SNTB1: variants seen among roughly 807,000 people sequenced by gnomAD.
The protein encoded by SNTB1 is beta-1-syntrophin.
In SNTB1, 36 loss-of-function variants were observed where a neutral mutation model predicts 48.9. The ratio of observed to expected loss-of-function variants is 0.74; its 90% CI spans 0.56 to 0.97. The LOEUF (loss-of-function observed/expected upper bound fraction) is 0.97. SNTB1 is among the 50% of genes least tolerant of loss of function. SNTB1 has a pLI of 0.00. For missense variants in SNTB1, 786 were observed against 703.4 expected, an observed-to-expected ratio of 1.12 and a Z score of -1.33; for synonymous variants, 299 against 294.6, an observed-to-expected ratio of 1.01 and a Z score of -0.15.
intron 1 of SNTB1, among the ~76,000 whole-genome samples, chr8:120,701,457 C>T (rs564769778): frequency 6.6e-6 from 1 of 152,080 alleles, no homozygotes; most frequent in Admixed American, 6.5e-5. Context: ...CCTTTTCTGA[C>T]AACATTAAAA....
chr8:120,674,077 A>C (rs1254533146), intron 2 of SNTB1, among the ~76,000 whole-genome samples: 2 of 152,090 alleles, frequency 1.3e-5, no homozygotes, highest in African/African-American at 4.8e-5. Flanking sequence ...TGTAAAGGAG[A>C]GTTTTTTTCA....
At chr8:120,799,570 T>C (rs1396372642) in intron 1 of SNTB1, among the ~76,000 whole-genome samples, 2 of 151,748 alleles carry the variant, frequency 1.3e-5, no homozygotes, top group African/African-American at 4.8e-5. Flanking sequence ...AAAAATCTAG[T>C]TCTCCAGAAT....
intron 3 of SNTB1, among the ~76,000 whole-genome samples, chr8:120,604,280 T>C (rs1447504216): frequency 6.6e-6 from 1 of 152,184 alleles, no homozygotes; most frequent in African/African-American, 2.4e-5. Context: ...GAATGTCCTC[T>C]GCTTTCTCAT....
chr8:120,678,304 C>T (rs1038993862), intron 2 of SNTB1, among the ~76,000 whole-genome samples: 2 of 152,126 alleles, frequency 1.3e-5, no homozygotes, highest in Non-Finnish European at 2.9e-5. Flanking sequence ...ACCAGCTTGG[C>T]ATTGTGACAA....
chr8:120,630,977 A>T (rs1173747845), intron 3 of SNTB1, among the ~76,000 whole-genome samples: 2 of 152,164 alleles, frequency 1.3e-5, no homozygotes, highest in Non-Finnish European at 2.9e-5. Context: ...GGAGACTTAG[A>T]CCTAATACAT....
chr8:120,728,777 C>T lies in SNTB1; in HGVS notation c.572-34869G>A, dbSNP rs189821357. Among the ~76,000 whole-genome samples the T allele has an allele frequency of 8.3e-4, 126 of 152,208 alleles. 3 individuals are homozygous for T. The East Asian group carries it at 0.022, about 26-fold the overall frequency. On this transcript the variant is annotated intron_variant, in intron 1 of 6. Coordinates refer to ENST00000517992, the MANE Select transcript of SNTB1 (RefSeq NM_021021.4). ...TAGGTTGATTCCATGTCTTAGTTAT[C>T]GTGAATAATGCTGCAATGAACATAT...
chr8:120,548,594 A>T (rs1815422581), intron 5 of SNTB1, among the ~76,000 whole-genome samples, 168 bp downstream of exon 5: 1 of 152,202 alleles, frequency 6.6e-6, no homozygotes, highest in Non-Finnish European at 1.5e-5. Context: ...GCCTTAGGTT[A>T]CATTTTAGTA....
intron 5 of SNTB1, among the ~76,000 whole-genome samples, chr8:120,544,805 T>TTTTTTTTC: frequency 6.6e-6 from 1 of 151,324 alleles, no homozygotes; most frequent in South Asian, 2.1e-4. Context: ...TTTTTTTTTT[T>TTTTTTTTC]TTTTTTGCCA....
chr8:120,736,002 G>A (rs547356619), intron 1 of SNTB1, among the ~76,000 whole-genome samples: 3 of 152,236 alleles, frequency 2.0e-5, no homozygotes, highest in Admixed American at 1.3e-4. Context: ...AAGGAAAGAG[G>A]TTTAATTGAC....
At chr8:120,681,992 C>T (rs1171199269) in intron 2 of SNTB1, among the ~76,000 whole-genome samples, 1 of 151,510 alleles carries the variant, frequency 6.6e-6, no homozygotes, top group African/African-American at 2.4e-5. Context: ...GAAAATATGA[C>T]ATCCAAAAAA....
chr8:120,556,983 G>A (rs142971246), intron 4 of SNTB1, among the ~76,000 whole-genome samples: 78 of 152,244 alleles, frequency 5.1e-4, no homozygotes, highest in Admixed American at 1.6e-3. Context: ...CAATACTTGA[G>A]TTCTAAGTTA....
intron 4 of SNTB1, among the ~76,000 whole-genome samples, chr8:120,558,903 C>T (rs1815610038): frequency 1.3e-5 from 2 of 152,138 alleles, no homozygotes; most frequent in Admixed American, 6.5e-5. Flanking sequence ...TGATTATTCC[C>T]TGCTGTATTC....
intron 3 of SNTB1, among the ~76,000 whole-genome samples, chr8:120,587,039 G>A (rs1204123137): frequency 1.3e-5 from 2 of 152,116 alleles, no homozygotes; most frequent in Non-Finnish European, 2.9e-5. Flanking sequence ...TGGCCAACAT[G>A]GTGAAACCCT....
intron 2 of SNTB1, among the ~76,000 whole-genome samples, chr8:120,687,063 G>A (rs1402547219): frequency 6.6e-6 from 1 of 152,142 alleles, no homozygotes; most frequent in Non-Finnish European, 1.5e-5. Context: ...TGCACTAAAG[G>A]AGGAAATGTT....
chr8:120,544,138 T>C (rs1031840588), intron 5 of SNTB1, among the ~76,000 whole-genome samples: 1 of 152,164 alleles, frequency 6.6e-6, no homozygotes, highest in Non-Finnish European at 1.5e-5. Context: ...TGTGGGTGAA[T>C]GGGCTGTAAA....
At chr8:120,693,616 A>T in intron 2 of SNTB1, 76 bp downstream of exon 2, 2 of 1,240,272 alleles carry the variant, frequency 1.6e-6, no homozygotes, top group South Asian at 2.5e-5. Context: ...CATGAGGGCA[A>T]TCTCGTGAAA....
chr8:120,549,041 G>C, intron 4 of SNTB1, 83 bp from the exon 5 acceptor site: 1 of 1,124,424 alleles, frequency 8.9e-7, no homozygotes, highest in Non-Finnish European at 1.3e-6. Context: ...GACCCAAATT[G>C]GTGATCTGCT....
chr8:120,770,813 CA>C (rs986820898), intron 1 of SNTB1, among the ~76,000 whole-genome samples: 16 of 151,396 alleles, frequency 1.1e-4, no homozygotes, highest in African/African-American at 2.4e-4. Flanking sequence ...AACTCTGTCT[CA>C]AAAAAAAATT....
intron 1 of SNTB1, among the ~76,000 whole-genome samples, chr8:120,808,698 T>C (rs1820378499): frequency 6.6e-6 from 1 of 152,158 alleles, no homozygotes; most frequent in African/African-American, 2.4e-5. Context: ...TTATGTTAAT[T>C]CTGTGGCGGA....
Sources: gnomAD v4.1 joint callset for allele counts (sites outside exome capture counted in the v4.1 genomes callset) on GRCh38, gnomAD v4.1.1 for gene constraint, MANE v1.5 for transcripts, NCBI Gene and HGNC (gene_info 2026-07-23, HGNC 2026-07-21) for gene names.